The following NEB variants were observed in gnomAD, a reference collection of about 807,000 sequenced individuals.
NEB encodes the protein nemaline myopathy type 2.
Under a neutral mutation model 952.2 loss-of-function variants are expected in NEB, and 512 were observed. The ratio of observed to expected loss-of-function variants is 0.54; its 90% CI spans 0.50 to 0.58. The LOEUF (loss-of-function observed/expected upper bound fraction) is 0.58, where lower values mean the gene tolerates loss of function less well. NEB is among the 20% of genes least tolerant of loss of function. NEB has a pLI of 0.00. For missense variants in NEB, 8,428 were observed against 9,231.1 expected, an observed-to-expected ratio of 0.91 and a Z score of 3.56; for synonymous variants, 2,900 against 3,149.8, an observed-to-expected ratio of 0.92 and a Z score of 2.66.
chr2:151,725,259 A>C (rs1034209188), intron 6 of NEB, among the ~76,000 whole-genome samples, 194 bp downstream of exon 6: 5 of 152,200 alleles, frequency 3.3e-5, no homozygotes, highest in Non-Finnish European at 1.5e-5. Flanking sequence ...TAAGTTGCTA[A>C]GCCAAGCTTT....
At chr2:151,691,177 C>T (rs1559297967) in intron 23 of NEB, among the ~76,000 whole-genome samples, 2 of 152,148 alleles carry the variant, frequency 1.3e-5, no homozygotes, top group Non-Finnish European at 2.9e-5. Context: ...AACCATTTCA[C>T]CTCTTACTAC....
chr2:151,677,814 T>C (rs1295190493), intron 33 of NEB, 43 bp from the exon 34 acceptor site: 4 of 1,611,114 alleles, frequency 2.5e-6, no homozygotes, highest in African/African-American at 2.7e-5. Flanking sequence ...TAGGACAGGG[T>C]TCTTTTCATG....
chr2:151,545,617 T>C (rs151243988), intron 135 of NEB, among the ~76,000 whole-genome samples: 2 of 151,288 alleles, frequency 1.3e-5, no homozygotes, highest in African/African-American at 2.4e-5. Context: ...ATCTATAAAA[T>C]CATGCAAAAC....
rs1474126258 is a variant in NEB, at chr2:151,663,694, C to G, written c.5617G>C (p.Val1873Leu). The change falls in exon 45 of 182, where the codon GTG becomes CTG. Residue 1873 changes from valine to leucine, a missense_variant. Val to Leu is a conservative substitution (Grantham distance 32). Around this residue, in one of 11 missense-constraint regions of NEB, gnomAD observed 2,851 missense variants for 2,791.5 expected, o/e 1.02. Transcript: ENST00000397345. ...GCTGCCACCACACTGAGCATGTCCA[C>G]CGGGGTGTGGAAGGAGGTCTTGGAT... ...EKSKTSFHTP[V>L]DMLSVVAAKK... is the part of the protein sequence containing the mutation. 1 of 1,613,778 alleles carries G rather than the reference C, an allele frequency of 6.2e-7. No homozygotes were observed. The highest frequency in any genetic ancestry group is 2.2e-5 in the East Asian group (1 of 44,868).
intron 50 of NEB, 149 bp downstream of exon 50, chr2:151,655,668 G>T (rs143226849): frequency 0.013 from 9,450 of 732,852 alleles, 87 homozygotes; most frequent in Non-Finnish European, 0.017. Flanking sequence ...TAAGAGATGG[G>T]CAGAAGAAGA....
intron 13 of NEB, among the ~76,000 whole-genome samples, chr2:151,700,061 C>T (rs1350663299): frequency 1.2e-5 from 1 of 85,950 alleles, no homozygotes; most frequent in Admixed American, 1.3e-4. Flanking sequence ...GGAAGGGATC[C>T]AGTTTCAGCT....
rs764446303 is a variant in NEB, at chr2:151,529,330, C to T, written c.21631-16G>A. On this transcript the variant is annotated splice_polypyrimidine_tract_variant and intron_variant, in intron 145 of 181. Coordinates refer to ENST00000397345, the MANE Select transcript of NEB (RefSeq NM_001164508.2). ...TGTATTTCAGCTGTGGGAGGAAACA[C>T]AGTGACAAGATTAATTTTTTTATAG... The T allele has an allele frequency of 2.0e-6, 3 of 1,523,866 alleles. No individual in the cohort carries two copies. The highest frequency in any genetic ancestry group is 1.4e-5 in the African/African-American group (1 of 72,968). 94.4% of individuals were successfully genotyped at this position (1,523,866 alleles called of 1,614,324 possible).
In NEB at chr2:151,695,664, GT is replaced by G; in HGVS notation, c.1587del (p.Lys529AsnfsTer28). The G allele has an allele frequency of 3.7e-6, 6 of 1,613,124 alleles. No individual in the cohort carries two copies. Among genetic ancestry groups the G allele is most frequent in the Non-Finnish European group, 5.1e-6 (6 of 1,179,268 alleles). ...TGGCACTTGAACTTTTCACTTTCAT[GT>G]TTTGCTTTGTAATTTAACTATGACA... ...KQLSDLNYKAKHESEKFKCHI... is the reference protein window; with the variant it reads ...KQLSDLNYKAXHESEKFKCHI... On this transcript the variant is annotated frameshift_variant, in exon 18 of 182. Coordinates refer to ENST00000397345, the MANE Select transcript of NEB (RefSeq NM_001164508.2). LOFTEE classifies it high-confidence loss of function.
chr2:151,697,524 G>C lies in NEB; in HGVS notation c.1257+20C>G. The C allele has an allele frequency of 6.2e-7, 1 of 1,607,564 alleles. No individual in the cohort carries two copies. On this transcript the variant is annotated intron_variant, in intron 14 of 181. Transcript: ENST00000397345. Reference sequence around the variant, plus strand: ...ATGGGTTCTTTTTTTAACAGAAAGAGTGACAGTAGGATTGCTTACATCACT... The same window carrying C: ...ATGGGTTCTTTTTTTAACAGAAAGACTGACAGTAGGATTGCTTACATCACT...
chr2:151,538,699 T>C (rs1264687120), intron 138 of NEB, among the ~76,000 whole-genome samples: 1 of 151,944 alleles, frequency 6.6e-6, no homozygotes, highest in African/African-American at 2.4e-5. Flanking sequence ...CTAATGTACA[T>C]GGAAAAGGGA....
At chr2:151,718,516 T>C (rs2099765545) in intron 9 of NEB, among the ~76,000 whole-genome samples, 1 of 152,128 alleles carries the variant, frequency 6.6e-6, no homozygotes, top group South Asian at 2.1e-4. Context: ...AACCCCACCT[T>C]ACTCTCAGCT....
At chr2:151,723,690 G>A in intron 8 of NEB, among the ~76,000 whole-genome samples, 1 of 150,268 alleles carries the variant, frequency 6.7e-6, no homozygotes, top group East Asian at 1.9e-4. Flanking sequence ...CTTATTTTCA[G>A]AGGGGCAGAT....
At chr2:151,532,556 T>C (rs1283243285) in intron 143 of NEB, among the ~76,000 whole-genome samples, 2 of 152,096 alleles carry the variant, frequency 1.3e-5, no homozygotes, top group Non-Finnish European at 2.9e-5. Flanking sequence ...GAGAGCACCA[T>C]AAAATTTCAT....
At position 151,712,600 on chromosome 2, in the gene NEB, G is replaced by C. The variant is rs2099748274; in HGVS notation, c.823-2062C>G. The stretch of plus-strand genomic sequence containing the variant: ...CCACTCCCGAGCACTGCCAAGTCTG[G>C]GAAGATTTTCATGACACAGGAGGAG... On this transcript the variant is annotated intron_variant, in intron 10 of 181. Transcript: ENST00000397345. Among the ~76,000 whole-genome samples the C allele has an allele frequency of 2.6e-5, 4 of 152,150 alleles. No individual in the cohort carries two copies. The South Asian group carries it at 8.3e-4, about 32-fold the overall frequency.
chr2:151,663,339 G>C (rs1169874385), intron 45 of NEB, among the ~76,000 whole-genome samples: 1 of 152,122 alleles, frequency 6.6e-6, no homozygotes, highest in African/African-American at 2.4e-5. Context: ...AATGCTCCCA[G>C]CAACAATAGT....
chr2:151,568,779 T>C (rs2096524959), intron 110 of NEB, 63 bp from the exon 111 acceptor site: 2 of 1,186,420 alleles, frequency 1.7e-6, no homozygotes, highest in South Asian at 1.4e-5. Context: ...ACTGAGAAGA[T>C]ACACTAAATT....
Position 151,630,835 on chromosome 2 carries a change from A to G in NEB, c.9619-16T>C, listed in dbSNP as rs1483400200. On this transcript the variant is annotated splice_polypyrimidine_tract_variant and intron_variant, in intron 66 of 181. Transcript: ENST00000397345. ...TGTATAAACGCTATAAAAGAAGATA[A>G]GATGCTGATTAAAAATCATTTGAAA... is the stretch of plus-strand genomic sequence containing the variant. The G allele has an allele frequency of 6.5e-7, 1 of 1,548,582 alleles. No homozygotes were observed. Among genetic ancestry groups the G allele is most frequent in the South Asian group, 1.2e-5 (1 of 83,278 alleles).
At chr2:151,730,578 A>G (rs1358592592) in intron 3 of NEB, among the ~76,000 whole-genome samples, 1 of 150,414 alleles carries the variant, frequency 6.6e-6, no homozygotes, top group Non-Finnish European at 1.5e-5. Flanking sequence ...GCACATGAGG[A>G]AAGGGATAAA....
intron 164 of NEB, 39 bp from the exon 165 acceptor site, chr2:151,505,609 A>T (rs147313132): frequency 6.7e-7 from 1 of 1,485,494 alleles, no homozygotes; most frequent in Non-Finnish European, 9.4e-7. Flanking sequence ...GTATTATTAC[A>T]TGCTGGACTG....
Sources: allele counts gnomAD v4.1 joint callset (sites outside exome capture counted in the v4.1 genomes callset), GRCh38; gene constraint gnomAD v4.1.1; regional missense constraint gnomAD v4.1.1; transcripts MANE v1.5; gene names NCBI Gene and HGNC (gene_info 2026-07-23, HGNC 2026-07-21).